The following TECPR2 variants were observed in gnomAD, a reference collection of about 807,000 sequenced individuals.
TECPR2 encodes the protein tectonin beta-propeller repeat-containing protein 2.
Under a neutral mutation model 138.1 loss-of-function variants are expected in TECPR2, and 65 were observed. That is an observed-to-expected ratio of 0.47 (90% confidence interval 0.39 to 0.58). The LOEUF (loss-of-function observed/expected upper bound fraction) is 0.58, where lower values mean the gene tolerates loss of function less well. Ranked by LOEUF, TECPR2 falls within the 20% of genes least tolerant of loss-of-function variation. The pLI, the probability that TECPR2 is intolerant of heterozygous loss-of-function variation, is 0.00. For missense variants in TECPR2, 1,553 were observed against 1,824.5 expected (o/e 0.85, Z 2.71); for synonymous variants, 746 against 749.8 (o/e 0.99, Z 0.08).
At chr14:102,425,778 G>A (rs1889302700) in intron 6 of TECPR2, among the ~76,000 whole-genome samples, 1 of 151,142 alleles carries the variant, frequency 6.6e-6, no homozygotes, top group East Asian at 1.9e-4. Flanking sequence ...GTTTCACAAT[G>A]TTGGTCAGGC....
intron 2 of TECPR2, among the ~76,000 whole-genome samples, chr14:102,386,699 C>A (rs947496796): frequency 6.6e-6 from 1 of 152,022 alleles, no homozygotes; most frequent in African/African-American, 2.4e-5. Context: ...TGAGGAATTA[C>A]TAGAAATTTT....
chr14:102,470,857 C>T (rs1348521287), intron 17 of TECPR2, among the ~76,000 whole-genome samples: 2 of 146,328 alleles, frequency 1.4e-5, no homozygotes, highest in South Asian at 4.3e-4. Flanking sequence ...CTCGCTCTGT[C>T]GCCCAGGCTG....
intron 6 of TECPR2, among the ~76,000 whole-genome samples, chr14:102,426,876 G>A: frequency 6.6e-6 from 1 of 151,922 alleles, no homozygotes; most frequent in East Asian, 1.9e-4. Flanking sequence ...GAAAAGAAAG[G>A]GTTTTCTTCT....
intron 2 of TECPR2, among the ~76,000 whole-genome samples, chr14:102,402,145 T>C (rs975871486): frequency 2.0e-5 from 3 of 152,212 alleles, no homozygotes; most frequent in East Asian, 1.9e-4. Flanking sequence ...ATAGACTATA[T>C]GTTAAGCCAC....
Position 102,431,867 on chromosome 14 carries a change from G to T in TECPR2, c.1156G>T (p.Ala386Ser), listed in dbSNP as rs11845676. The T allele has an allele frequency of 1.9e-6, 3 of 1,603,296 alleles. No homozygotes were observed. The highest frequency in any genetic ancestry group is 2.6e-6 in the Non-Finnish European group (3 of 1,171,118). ...GCAGCAAGCGGAGAAGCTGCCAGGG[G>T]CCACAGTTTCTGAGACGAGGCTCAG... The part of the protein sequence containing the change: ...HVQQAEKLPG[A>S]TVSETRLRGS... The change falls in exon 8 of 20, where the codon GCC becomes TCC. Residue 386 changes from alanine to serine, a missense_variant. Coordinates refer to ENST00000359520, the MANE Select transcript of TECPR2 (RefSeq NM_014844.5).
In TECPR2 at chr14:102,459,184, G is replaced by A. The variant is rs1275779519; in HGVS notation, c.3641-5957G>A. On this transcript the variant is annotated intron_variant, in intron 16 of 19. Transcript: ENST00000359520. Reference sequence around the variant, plus strand: ...GGGCTCCAGTGATGCTCCCACATCAGCCTCCCAAAGTGCGGGGATTACAAC... The same window carrying A: ...GGGCTCCAGTGATGCTCCCACATCAACCTCCCAAAGTGCGGGGATTACAAC... Among the ~76,000 whole-genome samples, 3 of 152,140 alleles carry A rather than the reference G, an allele frequency of 2.0e-5. No homozygotes were observed. The East Asian group carries it at 5.8e-4, about 29-fold the overall frequency.
At chr14:102,408,448 CT>C (rs751324384) in intron 3 of TECPR2, 39 bp from the exon 4 acceptor site, 70 of 1,546,582 alleles carry the variant, frequency 4.5e-5, no homozygotes, top group Middle Eastern at 1.7e-4. Flanking sequence ...AGCATTTATC[CT>C]TTTTTTTTCT....
chr14:102,421,380 C>T (rs1178190621), intron 5 of TECPR2, among the ~76,000 whole-genome samples: 1 of 152,210 alleles, frequency 6.6e-6, no homozygotes, highest in African/African-American at 2.4e-5. Flanking sequence ...TTCGTCCTAA[C>T]GATCATTGTT....
In TECPR2 at chr14:102,492,251, G is replaced by GCC. The variant is rs1891173655; in HGVS notation, c.3790-4728_3790-4727insCC. Among the ~76,000 whole-genome samples, 5 of 152,318 alleles carry GCC rather than the reference G, an allele frequency of 3.3e-5. No homozygotes were observed. In the South Asian group the frequency reaches 1.0e-3, roughly 32 times the overall value. ...TGCAGGCTGGCCTCTCACCTAGAGT[G>GCC]AGGGCCCTGCCAGGGAGTGCCAGTC... On this transcript the variant is annotated intron_variant, in intron 17 of 19. Transcript: ENST00000359520.
At chr14:102,470,933 C>G (rs905777243) in intron 17 of TECPR2, among the ~76,000 whole-genome samples, 2 of 151,986 alleles carry the variant, frequency 1.3e-5, no homozygotes, top group African/African-American at 4.8e-5. Context: ...GTTCTCCTGC[C>G]TCAGCCTCAC....
intron 2 of TECPR2, among the ~76,000 whole-genome samples, chr14:102,394,165 T>G (rs1057415163): frequency 4.6e-5 from 7 of 152,142 alleles, no homozygotes; most frequent in Non-Finnish European, 7.4e-5. Context: ...CTCCTTCCTT[T>G]CCACAAACCT....
At chr14:102,472,906 G>T (rs1423124045) in intron 17 of TECPR2, among the ~76,000 whole-genome samples, 1 of 152,260 alleles carries the variant, frequency 6.6e-6, no homozygotes, top group Non-Finnish European at 1.5e-5. Context: ...CTCCCGGGCT[G>T]CTGGCACTGA....
chr14:102,385,597 G>T (rs749580246), intron 2 of TECPR2, among the ~76,000 whole-genome samples: 7 of 151,942 alleles, frequency 4.6e-5, no homozygotes, highest in Non-Finnish European at 1.0e-4. Context: ...CAAATTACTG[G>T]ATCCAGCACC....
rs555341452 is a variant in TECPR2 at position 102,480,256 on chromosome 14, GCT to G, written c.3789+14970_3789+14971del. Among the ~76,000 whole-genome samples, 160 of 148,854 alleles carry G rather than the reference GCT, an allele frequency of 1.1e-3. 2 individuals carry two copies. Among genetic ancestry groups the G allele is most frequent in the African/African-American group, 3.8e-3 (154 of 40,654 alleles). On this transcript the variant is annotated intron_variant, in intron 17 of 19. Transcript: ENST00000359520. Reference sequence around the variant, plus strand: ...ATTGATTTATTTGAGACGGAGTCTTGCTCTGTCGCCCAGGCTGGAGTGCAGTG... The same window carrying G: ...ATTGATTTATTTGAGACGGAGTCTTGCTGTCGCCCAGGCTGGAGTGCAGTG...
chr14:102,397,746 CTAAA>C (rs71305081), intron 2 of TECPR2, among the ~76,000 whole-genome samples: 6 of 151,488 alleles, frequency 4.0e-5, no homozygotes, highest in African/African-American at 7.3e-5. Flanking sequence ...GACTCCTTCT[CTAAA>C]TAAATAAATA....
chr14:102,401,900 A>T (rs1396822753), intron 2 of TECPR2, among the ~76,000 whole-genome samples: 1 of 152,116 alleles, frequency 6.6e-6, no homozygotes, highest in African/African-American at 2.4e-5. Context: ...ATAGTAATGA[A>T]AAGGGATCGG....
rs1889969232 is a variant in TECPR2, at chr14:102,446,035, C to T, written c.3075+88C>T. On this transcript the variant is annotated intron_variant, in intron 13 of 19. Coordinates refer to ENST00000359520, the MANE Select transcript of TECPR2 (RefSeq NM_014844.5). ...TACTTCTCTCTTTTCCTTAACGATA[C>T]TAGATTAAATTTAAAATACTCACTT... The T allele has an allele frequency of 2.1e-6, 3 of 1,403,788 alleles. No individual in the cohort carries two copies. The Admixed American group carries it at 7.1e-5, about 33-fold the overall frequency. The allele number at this position is 1,403,788 out of a possible 1,614,324, so 87.0% of individuals were successfully genotyped here. A position where few individuals can be genotyped will look rare whatever the true frequency, so the allele number is the denominator to read the frequency against.
At chr14:102,402,451 CTCAAA>C (rs1888518934) in intron 2 of TECPR2, among the ~76,000 whole-genome samples, 1 of 151,730 alleles carries the variant, frequency 6.6e-6, no homozygotes, top group Non-Finnish European at 1.5e-5. Flanking sequence ...TAAGAAAAAT[CTCAAA>C]TCAACAACCT....
At chr14:102,496,149 C>T (rs1891274152) in intron 17 of TECPR2, among the ~76,000 whole-genome samples, 1 of 152,208 alleles carries the variant, frequency 6.6e-6, no homozygotes, top group African/African-American at 2.4e-5. Context: ...AGGGCAGGGA[C>T]CCAAGACCAC....
Sources: allele counts gnomAD v4.1 joint callset (sites outside exome capture counted in the v4.1 genomes callset), GRCh38; gene constraint gnomAD v4.1.1; transcripts MANE v1.5; gene names NCBI Gene and HGNC (gene_info 2026-07-23, HGNC 2026-07-21).